The following ATP8A1 variants were observed in gnomAD, a reference collection of about 807,000 sequenced individuals.
The protein encoded by ATP8A1 is ATPase phospholipid transporting 8A1.
Under a neutral mutation model 177.7 loss-of-function variants are expected in ATP8A1, and 90 were observed. The ratio of observed to expected loss-of-function variants is 0.51; its 90% confidence interval spans 0.43 to 0.60. The LOEUF (loss-of-function observed/expected upper bound fraction) is 0.60. Ranked by LOEUF, ATP8A1 falls within the 20% of genes least tolerant of loss-of-function variation. The pLI is 0.00. For missense variants in ATP8A1, 1,072 were observed against 1,392.8 expected, an observed-to-expected ratio of 0.77 and a Z score of 3.67; for synonymous variants, 493 against 485.9, an observed-to-expected ratio of 1.01 and a Z score of -0.19.
chr4:42,636,830 C>G (rs1345427696), intron 1 of ATP8A1, among the ~76,000 whole-genome samples: 1 of 152,190 alleles, frequency 6.6e-6, no homozygotes, highest in Non-Finnish European at 1.5e-5. Flanking sequence ...ACAGTCCAGG[C>G]TAAGCCAGTC....
intron 5 of ATP8A1, among the ~76,000 whole-genome samples, chr4:42,611,937 T>C (rs1736413987): frequency 6.6e-6 from 1 of 152,188 alleles, no homozygotes; most frequent in Admixed American, 6.5e-5. Flanking sequence ...GTTCAAATAC[T>C]GAGGGAAGAG....
At chr4:42,572,343 C>T (rs1168005868) in intron 14 of ATP8A1, among the ~76,000 whole-genome samples, 1 of 152,308 alleles carries the variant, frequency 6.6e-6, no homozygotes, top group East Asian at 1.9e-4. Context: ...GAAATCTACA[C>T]AGAAAAGTGC....
At chr4:42,504,567 T>C (rs929862840) in intron 23 of ATP8A1, among the ~76,000 whole-genome samples, 1 of 152,252 alleles carries the variant, frequency 6.6e-6, no homozygotes, top group Admixed American at 6.5e-5. Context: ...TTAAAACACA[T>C]CAAGAAGCCA....
chr4:42,588,023 C>CTAACTGAGTGTA (rs1733800287), intron 8 of ATP8A1, among the ~76,000 whole-genome samples: 1 of 152,178 alleles, frequency 6.6e-6, no homozygotes, highest in Non-Finnish European at 1.5e-5. Context: ...TTAGCTATTA[C>CTAACTGAGTGTA]ATAATTAAAA....
chr4:42,452,479 A>C (rs1718033262), intron 29 of ATP8A1, among the ~76,000 whole-genome samples: 1 of 152,198 alleles, frequency 6.6e-6, no homozygotes, highest in Non-Finnish European at 1.5e-5. Context: ...TCCAATGCTA[A>C]AGATGTAATG....
chr4:42,619,845 G>C (rs1737291384), intron 4 of ATP8A1, among the ~76,000 whole-genome samples: 1 of 152,068 alleles, frequency 6.6e-6, no homozygotes, highest in African/African-American at 2.4e-5. Context: ...GCTATAAAGA[G>C]ATGCGTGCTC....
intron 6 of ATP8A1, among the ~76,000 whole-genome samples, chr4:42,596,269 T>C (rs1042335881): frequency 6.6e-5 from 10 of 152,212 alleles, no homozygotes; most frequent in Admixed American, 5.2e-4. Flanking sequence ...AGGAAATGTT[T>C]AGGGCTTTCA....
intron 19 of ATP8A1, among the ~76,000 whole-genome samples, chr4:42,544,999 A>G (rs1728750380): frequency 6.6e-6 from 1 of 151,992 alleles, no homozygotes; most frequent in Admixed American, 6.6e-5. Flanking sequence ...GTCTCTACTA[A>G]AAATACAAAA....
chr4:42,435,300 C>T (rs1188435515), intron 33 of ATP8A1, among the ~76,000 whole-genome samples: 1 of 151,914 alleles, frequency 6.6e-6, no homozygotes, highest in Non-Finnish European at 1.5e-5. Context: ...GTGGCGGGCA[C>T]CTGTAATCCC....
chr4:42,561,267 T>C (rs559091954), intron 15 of ATP8A1, among the ~76,000 whole-genome samples: 15 of 152,232 alleles, frequency 9.9e-5, no homozygotes, highest in Non-Finnish European at 2.2e-4. Context: ...AGAGCACTTA[T>C]GGTCTCCTCA....
intron 14 of ATP8A1, among the ~76,000 whole-genome samples, chr4:42,569,709 T>G (rs1056793049): frequency 6.6e-6 from 1 of 152,224 alleles, no homozygotes; most frequent in African/African-American, 2.4e-5. Flanking sequence ...TTACCTGCAT[T>G]TCTATAATTA....
chr4:42,443,708 A>G, intron 32 of ATP8A1, 36 bp from the exon 33 acceptor site: 2 of 900,190 alleles, frequency 2.2e-6, no homozygotes, highest in Non-Finnish European at 3.8e-6. Context: ...AAAAAGTTTT[A>G]TGTAGACCGA....
chr4:42,590,796 C>T lies in ATP8A1; in HGVS notation c.524+15G>A. ...ACCCACATACACGCATCCTATACGA[C>T]TCAGTGGTTCTAACCTTGAGGACAG... On this transcript the variant is annotated intron_variant, in intron 7 of 36. Coordinates refer to ENST00000381668, the MANE Select transcript of ATP8A1 (RefSeq NM_006095.2). 2 of 1,612,940 alleles carry T rather than the reference C, an allele frequency of 1.2e-6. No homozygotes were observed. Among genetic ancestry groups the T allele is most frequent in the South Asian group, 2.2e-5 (2 of 90,932 alleles).
At chr4:42,629,334 A>G (rs1417454352) in intron 1 of ATP8A1, among the ~76,000 whole-genome samples, 5 of 152,242 alleles carry the variant, frequency 3.3e-5, no homozygotes, top group South Asian at 2.1e-4. Context: ...GGCTCTGAGC[A>G]CAGGATTTCA....
chr4:42,464,762 G>C lies in ATP8A1; in HGVS notation c.2547C>G (p.Ala849=), dbSNP rs964143037. ...YLKNLLMIHG[A]WNYNRVSKCI... ...ACTTGGAGACTCTGTTATAGTTCCA[G>C]GCACCATGAATCATCAGTAAATTCT... Residue 849 remains alanine, a synonymous_variant, in exon 27 of 37, where the codon GCC becomes GCG. Coordinates refer to ENST00000381668, the MANE Select transcript of ATP8A1 (RefSeq NM_006095.2). 1.2e-6 allele frequency: 2 copies of C among 1,613,610 alleles called. No individual in the cohort carries two copies. Among genetic ancestry groups the C allele is most frequent in the African/African-American group, 2.7e-5 (2 of 74,894 alleles).
At chr4:42,429,829 TG>T (rs1715065513) in intron 33 of ATP8A1, among the ~76,000 whole-genome samples, 4 of 152,204 alleles carry the variant, frequency 2.6e-5, no homozygotes, top group Admixed American at 2.6e-4. Flanking sequence ...CGTTACAACA[TG>T]GATGAACCCT....
rs149329901 is a variant in ATP8A1, at chr4:42,649,231, C to A, written c.49+7594G>T. On this transcript the variant is annotated intron_variant, in intron 1 of 36. Transcript: ENST00000381668. Reference sequence around the variant, plus strand: ...TAATAAAATTGATCTGTTCATTCAACAAAAATTTACTGAGCTGCTACCAAG... The same window carrying A: ...TAATAAAATTGATCTGTTCATTCAAAAAAAATTTACTGAGCTGCTACCAAG... Among the ~76,000 whole-genome samples the A allele has an allele frequency of 2.2e-4, 34 of 152,236 alleles. No homozygotes were observed. In the East Asian group the frequency reaches 6.4e-3, roughly 28 times the overall value.
intron 20 of ATP8A1, among the ~76,000 whole-genome samples, chr4:42,536,062 C>G (rs1727795335): frequency 6.6e-6 from 1 of 152,120 alleles, no homozygotes; most frequent in Admixed American, 6.6e-5. Flanking sequence ...ACTAGGGGAA[C>G]AAGAGCAAAC....
At position 42,644,904 on chromosome 4, in the gene ATP8A1, GC is replaced by G. The variant is rs935433209; in HGVS notation, c.49+11920del. Among the ~76,000 whole-genome samples, 94 of 150,902 alleles carry G rather than the reference GC, an allele frequency of 6.2e-4. No individual in the cohort carries two copies. The Middle Eastern group carries it at 0.021, about 33-fold the overall frequency. On this transcript the variant is annotated intron_variant, in intron 1 of 36. Transcript: ENST00000381668. ...TATACTCCTTGAAAAAAAAAAAGTT[GC>G]CACAGAAATTTCAAAGACTATTACC...
Sources: allele counts gnomAD v4.1 joint callset (sites outside exome capture counted in the v4.1 genomes callset), GRCh38; gene constraint gnomAD v4.1.1; transcripts MANE v1.5; gene names NCBI Gene and HGNC (gene_info 2026-07-23, HGNC 2026-07-21).